Variants in RAPGEF6 observed in about 807,000 individuals in gnomAD.
The protein encoded by RAPGEF6 is Rap guanine nucleotide exchange factor 6.
In RAPGEF6, 56 loss-of-function variants were observed where a neutral mutation model predicts 171.4. The ratio of observed to expected loss-of-function variants is 0.33; its 90% CI spans 0.26 to 0.41. The LOEUF is 0.41. Among genes scored for constraint, RAPGEF6 ranks in the 10% least tolerant of loss-of-function variants. The probability of loss-of-function intolerance (pLI) is 1.00; values close to 1 mark genes in which losing one functional copy is unlikely to be tolerated. For missense variants in RAPGEF6, 1,674 were observed against 1,921.4 expected (o/e 0.87, Z 2.41); for synonymous variants, 692 against 650.1 (o/e 1.06, Z -0.98).
At chr5:131,630,873 T>C (rs1243339319) in intron 1 of RAPGEF6, among the ~76,000 whole-genome samples, 1 of 152,242 alleles carries the variant, frequency 6.6e-6, no homozygotes, top group Non-Finnish European at 1.5e-5. Context: ...TCCCTTTGTA[T>C]ATTTTTCACA....
At chr5:131,531,497 T>A (rs1759368543) in intron 6 of RAPGEF6, among the ~76,000 whole-genome samples, 1 of 152,200 alleles carries the variant, frequency 6.6e-6, no homozygotes, top group South Asian at 2.1e-4. Flanking sequence ...TATTTAAAAA[T>A]GACAAGTATG....
At chr5:131,552,740 C>A (rs998989545) in intron 5 of RAPGEF6, among the ~76,000 whole-genome samples, 5 of 152,004 alleles carry the variant, frequency 3.3e-5, no homozygotes, top group Non-Finnish European at 7.4e-5. Flanking sequence ...ACATTACAGG[C>A]GTGAGCCACC....
intron 6 of RAPGEF6, among the ~76,000 whole-genome samples, chr5:131,530,456 A>C (rs542831827): frequency 7.0e-4 from 107 of 152,332 alleles, no homozygotes; most frequent in Non-Finnish European, 1.2e-3. Flanking sequence ...AGTAAAATGC[A>C]AGTACATAGT....
At chr5:131,532,180 CT>C (rs1238517510) in intron 6 of RAPGEF6, 1 of 442,352 alleles carries the variant, frequency 2.3e-6, no homozygotes, top group African/African-American at 2.0e-5. Flanking sequence ...GGGTAGTTTC[CT>C]TTTCAAACCA....
At chr5:131,564,392 G>A (rs1184872028) in intron 4 of RAPGEF6, among the ~76,000 whole-genome samples, 1 of 152,168 alleles carries the variant, frequency 6.6e-6, no homozygotes, top group Admixed American at 6.5e-5. Context: ...GGGGTACTAG[G>A]TAGGGTCCTC....
intron 6 of RAPGEF6, among the ~76,000 whole-genome samples, chr5:131,522,257 G>A (rs1009301327): frequency 3.3e-5 from 5 of 151,974 alleles, no homozygotes; most frequent in Non-Finnish European, 7.4e-5. Flanking sequence ...ATTTCATGCC[G>A]TAAAAGAGAC....
At chr5:131,520,486 T>C (rs1758404504) in intron 7 of RAPGEF6, among the ~76,000 whole-genome samples, 1 of 152,244 alleles carries the variant, frequency 6.6e-6, no homozygotes, top group Non-Finnish European at 1.5e-5. Flanking sequence ...CTTTTATATT[T>C]TTTAATGTGG....
chr5:131,435,873 AC>A, intron 24 of RAPGEF6: 1 of 1,444,234 alleles, frequency 6.9e-7, no homozygotes, highest in Admixed American at 2.7e-5. Context: ...CTAAGCTTTG[AC>A]AAATGGTTTA....
chr5:131,480,212 G>A (rs983672487), intron 15 of RAPGEF6, among the ~76,000 whole-genome samples: 1 of 152,066 alleles, frequency 6.6e-6, no homozygotes, highest in Admixed American at 6.5e-5. Context: ...TCAACCAAAC[G>A]TGGATTGAAA....
Position 131,446,709 on chromosome 5 carries a change from A to G in RAPGEF6, c.3201-6T>C, listed in dbSNP as rs764927507. On this transcript the variant is annotated splice_polypyrimidine_tract_variant and splice_region_variant and intron_variant, in intron 21 of 27. Coordinates refer to ENST00000509018, the MANE Select transcript of RAPGEF6 (RefSeq NM_016340.6). ...TGCTTCCTTGACTCAGTGACCTATA[A>G]GAAGATGAAAATCACAATAAGGGGC... The G allele has an allele frequency of 7.5e-6, 12 of 1,610,038 alleles. No homozygotes were observed. Among genetic ancestry groups the G allele is most frequent in the Middle Eastern group, 1.6e-4 (1 of 6,070 alleles).
intron 1 of RAPGEF6, among the ~76,000 whole-genome samples, chr5:131,634,178 A>T (rs1321191867): frequency 6.6e-6 from 1 of 152,212 alleles, no homozygotes; most frequent in Non-Finnish European, 1.5e-5. Flanking sequence ...TAATCCACTC[A>T]CACTGTTTAG....
At chr5:131,623,270 A>C (rs1765698970) in intron 1 of RAPGEF6, among the ~76,000 whole-genome samples, 1 of 152,326 alleles carries the variant, frequency 6.6e-6, no homozygotes, top group Admixed American at 6.5e-5. Context: ...TCAAGATATT[A>C]CTAAGTTTCC....
intron 1 of RAPGEF6, among the ~76,000 whole-genome samples, chr5:131,627,844 T>C (rs1389529177): frequency 6.6e-6 from 1 of 152,248 alleles, no homozygotes; most frequent in African/African-American, 2.4e-5. Context: ...TTGGTAATTC[T>C]CACAACATTT....
intron 6 of RAPGEF6, chr5:131,533,163 A>G (rs1454447248): frequency 7.9e-6 from 1 of 125,896 alleles, no homozygotes; most frequent in African/African-American, 3.2e-5. Flanking sequence ...CAATTTATTG[A>G]AAACATACAC....
At chr5:131,506,468 G>C (rs1757378058) in intron 9 of RAPGEF6, among the ~76,000 whole-genome samples, 1 of 152,174 alleles carries the variant, frequency 6.6e-6, no homozygotes, top group Non-Finnish European at 1.5e-5. Flanking sequence ...ATATATCAGT[G>C]AAAGACCACT....
rs1561512199 is a variant in RAPGEF6 at position 131,497,909 on chromosome 5, G to T, written c.1419+534C>A. ...AATAAGCTAATTTATTTAAAATAGT[G>T]AACAACATTTAATACAAAAAAATAC... On this transcript the variant is annotated intron_variant, in intron 12 of 27. Transcript: ENST00000509018. 2.0e-5 allele frequency among the ~76,000 whole-genome samples: 3 copies of T among 151,966 alleles called. No individual in the cohort carries two copies. The East Asian group carries it at 5.8e-4, about 29-fold the overall frequency.
intron 1 of RAPGEF6, among the ~76,000 whole-genome samples, chr5:131,623,482 T>A (rs1345118832): frequency 6.7e-6 from 1 of 148,390 alleles, no homozygotes. Context: ...CATTGCTTTT[T>A]TTTTTTTTTT....
intron 4 of RAPGEF6, among the ~76,000 whole-genome samples, chr5:131,571,884 T>C (rs914006135): frequency 6.6e-6 from 1 of 152,134 alleles, no homozygotes; most frequent in African/African-American, 2.4e-5. Flanking sequence ...TAATGTACCC[T>C]TGTGAATGTA....
intron 5 of RAPGEF6, among the ~76,000 whole-genome samples, chr5:131,558,859 T>G (rs75332936): frequency 0.019 from 2,838 of 152,274 alleles, 42 homozygotes; most frequent in Non-Finnish European, 0.031. Flanking sequence ...TCCCAGCATG[T>G]GGTCAAATTT....
Sources: gnomAD v4.1 joint callset for allele counts (sites outside exome capture counted in the v4.1 genomes callset) on GRCh38, gnomAD v4.1.1 for gene constraint, MANE v1.5 for transcripts, NCBI Gene and HGNC (gene_info 2026-07-23, HGNC 2026-07-21) for gene names.